DIAPH3: variants seen among roughly 807,000 people sequenced by gnomAD.
DIAPH3 encodes the protein diaphanous related formin 3.
A neutral mutation model predicts 144.3 loss-of-function variants in DIAPH3; 117 were observed. The observed-to-expected ratio is 0.81, with a 90% CI of 0.70 to 0.95. The LOEUF is 0.95. Among genes scored for constraint, DIAPH3 ranks in the 40% least tolerant of loss-of-function variants. The probability of loss-of-function intolerance (pLI) is 0.00; values close to 1 mark genes in which losing one functional copy is unlikely to be tolerated. For missense variants in DIAPH3, 1,421 were observed against 1,412.7 expected, an observed-to-expected ratio of 1.01 and a Z score of -0.09; for synonymous variants, 519 against 488.9, an observed-to-expected ratio of 1.06 and a Z score of -0.81.
chr13:59,964,175 C>T (rs563807738), intron 17 of DIAPH3, among the ~76,000 whole-genome samples: 7 of 152,174 alleles, frequency 4.6e-5, no homozygotes, highest in East Asian at 3.9e-4. Context: ...ATGATAGCTA[C>T]GGACACACCA....
At chr13:60,118,692 C>G (rs73534928) in intron 2 of DIAPH3, among the ~76,000 whole-genome samples, 233 of 152,312 alleles carry the variant, frequency 1.5e-3, no homozygotes, top group African/African-American at 5.5e-3. Flanking sequence ...ACAAGCAAGG[C>G]TCTGGAGTCT....
At chr13:59,902,377 CT>C (rs1255583090) in intron 20 of DIAPH3, among the ~76,000 whole-genome samples, 2 of 152,134 alleles carry the variant, frequency 1.3e-5, no homozygotes, top group African/African-American at 4.8e-5. Flanking sequence ...CCTGTTTCCC[CT>C]ACACCTTCCA....
At chr13:59,717,169 G>GA (rs1566215880) in intron 27 of DIAPH3, among the ~76,000 whole-genome samples, 1 of 152,202 alleles carries the variant, frequency 6.6e-6, no homozygotes, top group East Asian at 1.9e-4. Context: ...GTAAGTTAAC[G>GA]AAACCTTAGA....
At chr13:59,704,440 G>T (rs1460787483) in intron 27 of DIAPH3, among the ~76,000 whole-genome samples, 7 of 152,194 alleles carry the variant, frequency 4.6e-5, no homozygotes, top group African/African-American at 1.4e-4. Context: ...CTCTTGGCAG[G>T]AATGTTGATC....
At chr13:59,885,335 T>C (rs991682536) in intron 20 of DIAPH3, among the ~76,000 whole-genome samples, 18 of 151,460 alleles carry the variant, frequency 1.2e-4, no homozygotes, top group African/African-American at 4.1e-4. Context: ...CCCCATCCCA[T>C]CGTAGAAAAC....
intron 9 of DIAPH3, among the ~76,000 whole-genome samples, chr13:60,006,975 T>C (rs577247600): frequency 6.6e-6 from 1 of 152,124 alleles, no homozygotes; most frequent in Non-Finnish European, 1.5e-5. Context: ...AACATAGGGT[T>C]CCTCACTGGC....
Position 59,924,851 on chromosome 13 carries a change from A to G in DIAPH3, c.2094T>C (p.Asp698=). 1.2e-6 allele frequency: 2 copies of G among 1,600,852 alleles called. No individual in the cohort carries two copies. The highest frequency in any genetic ancestry group is 1.1e-5 in the South Asian group (1 of 90,712). Residue 698 remains aspartate (D), a synonymous_variant, in exon 18 of 28, where the codon GAT becomes GAC. Transcript: ENST00000400324. ...CQQKERREEE[D]IEEKKSIKKK... ...TCTTAATCGATTTCTTCTCTTCAAT[A>G]TCTTCCTCTTCTCTTCTCTCTGTAA...
intron 17 of DIAPH3, among the ~76,000 whole-genome samples, chr13:59,937,055 C>A (rs1049905467): frequency 1.3e-5 from 2 of 151,390 alleles, no homozygotes; most frequent in East Asian, 3.9e-4. Flanking sequence ...CGCAGCTACT[C>A]GGGAGGCTGA....
At chr13:59,968,660 C>G (rs963107998) in intron 17 of DIAPH3, among the ~76,000 whole-genome samples, 4 of 152,130 alleles carry the variant, frequency 2.6e-5, no homozygotes, top group African/African-American at 9.7e-5. Flanking sequence ...TTCTAGAAAA[C>G]TACCTTAATT....
At chr13:59,718,244 T>A (rs1218019174) in intron 27 of DIAPH3, among the ~76,000 whole-genome samples, 1 of 152,050 alleles carries the variant, frequency 6.6e-6, no homozygotes, top group Non-Finnish European at 1.5e-5. Flanking sequence ...AAAAAGAATA[T>A]CACAGAACAT....
At chr13:60,047,079 CA>C (rs1239110492) in intron 4 of DIAPH3, among the ~76,000 whole-genome samples, 2 of 151,936 alleles carry the variant, frequency 1.3e-5, no homozygotes, top group African/African-American at 4.8e-5. Flanking sequence ...ACCTATGTAA[CA>C]AACTTGCACG....
intron 4 of DIAPH3, among the ~76,000 whole-genome samples, chr13:60,046,729 C>T (rs1182946300): frequency 1.3e-5 from 2 of 152,112 alleles, no homozygotes; most frequent in Non-Finnish European, 1.5e-5. Flanking sequence ...ACCCAAATGC[C>T]CATCAATGAT....
At chr13:59,873,121 G>T (rs1161699744) in intron 21 of DIAPH3, among the ~76,000 whole-genome samples, 1 of 152,174 alleles carries the variant, frequency 6.6e-6, no homozygotes, top group Non-Finnish European at 1.5e-5. Context: ...GTTTCACATT[G>T]CTTTGGAAAT....
At chr13:59,954,020 G>C (rs2140454830) in intron 17 of DIAPH3, among the ~76,000 whole-genome samples, 1 of 152,230 alleles carries the variant, frequency 6.6e-6, no homozygotes, top group East Asian at 1.9e-4. Context: ...AAGTAGTCAG[G>C]GTTCCTGACA....
At chr13:60,064,405 A>G (rs904131681) in intron 4 of DIAPH3, among the ~76,000 whole-genome samples, 2 of 152,210 alleles carry the variant, frequency 1.3e-5, no homozygotes, top group African/African-American at 4.8e-5. Flanking sequence ...CTTCTGGATA[A>G]CTTGCTGCAG....
At chr13:59,675,080 G>C (rs984390046) in intron 27 of DIAPH3, among the ~76,000 whole-genome samples, 8 of 152,072 alleles carry the variant, frequency 5.3e-5, no homozygotes, top group African/African-American at 1.9e-4. Flanking sequence ...TTTGTTTTTA[G>C]AGACAGGGTC....
At position 59,860,566 on chromosome 13, in the gene DIAPH3, G is replaced by A. The variant is rs529110067; in HGVS notation, c.2737+841C>T. ...ATCCTGGCTAACATGGTGAAACCCC[G>A]TCTCTACTAAAAATATAATAAATTA... On this transcript the variant is annotated intron_variant, in intron 22 of 27. Coordinates refer to ENST00000400324, the MANE Select transcript of DIAPH3 (RefSeq NM_001042517.2). Among the ~76,000 whole-genome samples, 20 of 152,012 alleles carry A rather than the reference G, an allele frequency of 1.3e-4. 1 individual carries two copies. The East Asian group carries it at 3.9e-3, about 30-fold the overall frequency.
chr13:60,119,782 A>G (rs1044242669), intron 2 of DIAPH3, among the ~76,000 whole-genome samples: 3 of 150,864 alleles, frequency 2.0e-5, no homozygotes, highest in Non-Finnish European at 3.0e-5. Flanking sequence ...GAAATGATAA[A>G]TCTTTGCTAT....
At chr13:59,919,397 G>A (rs1458043315) in intron 18 of DIAPH3, among the ~76,000 whole-genome samples, 1 of 151,984 alleles carries the variant, frequency 6.6e-6, no homozygotes, top group African/African-American at 2.4e-5. Context: ...ACAAAGAGGG[G>A]ATCCAGAAAG....
Sources: gnomAD v4.1 joint callset for allele counts (sites outside exome capture counted in the v4.1 genomes callset) on GRCh38, gnomAD v4.1.1 for gene constraint, MANE v1.5 for transcripts, NCBI Gene and HGNC (gene_info 2026-07-23, HGNC 2026-07-21) for gene names.